SGTB: variants seen among roughly 807,000 people sequenced by gnomAD.
SGTB encodes small glutamine rich tetratricopeptide repeat co-chaperone beta.
Under a neutral mutation model 43.9 loss-of-function variants are expected in SGTB, and 19 were observed. The ratio of observed to expected loss-of-function variants is 0.43; its 90% CI spans 0.30 to 0.63. The LOEUF (loss-of-function observed/expected upper bound fraction) is 0.63. SGTB is among the 30% of genes least tolerant of loss of function. SGTB has a pLI of 0.12. For synonymous variants in SGTB, 116 were observed against 117.3 expected, an observed-to-expected ratio of 0.99 and a Z score of 0.07; for missense variants, 304 against 358.9, an observed-to-expected ratio of 0.85 and a Z score of 1.24.
chr5:65,695,025 G>T (rs1481698785), intron 5 of SGTB, among the ~76,000 whole-genome samples: 4 of 94,984 alleles, frequency 4.2e-5, no homozygotes, highest in Middle Eastern at 4.4e-3. Context: ...TAGGTATTTT[G>T]GAACTACTGA....
chr5:65,689,723 T>TA (rs202230172), intron 5 of SGTB, among the ~76,000 whole-genome samples: 2,859 of 152,214 alleles, frequency 0.019, 33 homozygotes, highest in Non-Finnish European at 0.028. Flanking sequence ...CAATAGCACT[T>TA]AGATTCTAGT....
chr5:65,716,665 C>T (rs1368042937), intron 2 of SGTB, among the ~76,000 whole-genome samples: 3 of 151,992 alleles, frequency 2.0e-5, no homozygotes, highest in Non-Finnish European at 4.4e-5. Context: ...AAATTGCATA[C>T]AGAACAGATT....
At chr5:65,691,825 G>A (rs1464897699) in intron 5 of SGTB, among the ~76,000 whole-genome samples, 1 of 151,366 alleles carries the variant, frequency 6.6e-6, no homozygotes, top group East Asian at 2.0e-4. Flanking sequence ...CAGCTACTCG[G>A]GAGGCCGACG....
intron 6 of SGTB, among the ~76,000 whole-genome samples, chr5:65,683,684 G>GGCTGGGCGCGGTGGCTAAC (rs75253919): frequency 1.3e-5 from 2 of 151,784 alleles, no homozygotes; most frequent in Non-Finnish European, 2.9e-5. Context: ...AGTTAATAGT[G>GGCTGGGCGCGGTGGCTAAC]GCCTGTAATC....
At chr5:65,679,126 A>G (rs1757340288) in intron 8 of SGTB, among the ~76,000 whole-genome samples, 1 of 152,236 alleles carries the variant, frequency 6.6e-6, no homozygotes, top group South Asian at 2.1e-4. Flanking sequence ...CTACATCTAT[A>G]AGAACTTAAA....
intron 8 of SGTB, among the ~76,000 whole-genome samples, chr5:65,679,695 T>G (rs950033619): frequency 6.6e-6 from 1 of 152,102 alleles, no homozygotes. Flanking sequence ...GAAAAAGGAA[T>G]GCTTTTAACA....
chr5:65,716,633 G>A (rs1261598276), intron 2 of SGTB, among the ~76,000 whole-genome samples: 1 of 152,160 alleles, frequency 6.6e-6, no homozygotes, highest in Non-Finnish European at 1.5e-5. Flanking sequence ...AAAAGATGAC[G>A]CTGACATAAA....
At chr5:65,720,570 C>T in intron 2 of SGTB, 138 bp downstream of exon 2, 1 of 901,962 alleles carries the variant, frequency 1.1e-6, no homozygotes, top group Non-Finnish European at 1.6e-6. Context: ...ATACGATAAC[C>T]TTATAGTCAG....
At position 65,667,327 on chromosome 5, in the gene SGTB, C is replaced by G. The variant is rs1314579612; in HGVS notation, c.*2919G>C. ...TCAGCTAGAAGCTTATCTTATTGCT[C>G]TAAAAGCATTTTTAATGCACTCAAG... On this transcript the variant is annotated 3_prime_UTR_variant, in exon 11 of 11. Coordinates refer to ENST00000381007, the MANE Select transcript of SGTB (RefSeq NM_019072.3). 6.6e-6 allele frequency: 1 copy of G among 152,152 alleles called. No homozygotes were observed. The highest frequency in any genetic ancestry group is 1.5e-5 in the Non-Finnish European group (1 of 68,024). 9.4% of individuals were successfully genotyped at this position (152,152 alleles called of 1,614,324 possible).
intron 3 of SGTB, 72 bp downstream of exon 3, chr5:65,712,889 C>A: frequency 8.4e-7 from 1 of 1,192,570 alleles, no homozygotes; most frequent in East Asian, 2.4e-5. Context: ...CCTGGCCCCT[C>A]AGCTATTAAC....
chr5:65,694,387 G>A (rs1165488848), intron 5 of SGTB, among the ~76,000 whole-genome samples: 3 of 152,014 alleles, frequency 2.0e-5, no homozygotes, highest in East Asian at 1.9e-4. Context: ...AGCCAAGATC[G>A]TGCCACTGCA....
intron 8 of SGTB, among the ~76,000 whole-genome samples, chr5:65,674,928 G>A (rs974077276): frequency 6.6e-6 from 1 of 152,158 alleles, no homozygotes; most frequent in Non-Finnish European, 1.5e-5. Flanking sequence ...TTGCTAAAAA[G>A]ACTTATCTCA....
intron 8 of SGTB, 149 bp from the exon 9 acceptor site, chr5:65,672,430 G>A (rs1757177350): frequency 3.2e-6 from 3 of 948,694 alleles, no homozygotes; most frequent in Non-Finnish European, 4.8e-6. Context: ...AAAGGGGAAT[G>A]TAAAAAGAGA....
intron 5 of SGTB, among the ~76,000 whole-genome samples, chr5:65,686,774 A>C (rs1164246080): frequency 6.6e-6 from 1 of 152,190 alleles, no homozygotes; most frequent in Non-Finnish European, 1.5e-5. Context: ...CCTAGCTGGA[A>C]TCTAATAAGC....
intron 8 of SGTB, among the ~76,000 whole-genome samples, chr5:65,678,166 A>G (rs976340699): frequency 1.6e-4 from 25 of 152,238 alleles, no homozygotes; most frequent in African/African-American, 6.0e-4. Context: ...ATACAAAATC[A>G]ATGTGCAAAA....
intron 2 of SGTB, among the ~76,000 whole-genome samples, chr5:65,718,249 A>G (rs1758187877): frequency 6.6e-6 from 1 of 152,156 alleles, no homozygotes; most frequent in Admixed American, 6.6e-5. Flanking sequence ...AGCAGCATCC[A>G]TGGCCTCTAC....
At chr5:65,697,507 AC>A (rs1161452468) in intron 5 of SGTB, among the ~76,000 whole-genome samples, 14 of 152,226 alleles carry the variant, frequency 9.2e-5, no homozygotes, top group Non-Finnish European at 2.1e-4. Context: ...ATTTCATGAC[AC>A]TCAAGTATTT....
At chr5:65,715,807 T>C (rs746786453) in intron 2 of SGTB, among the ~76,000 whole-genome samples, 1 of 152,228 alleles carries the variant, frequency 6.6e-6, no homozygotes, top group Non-Finnish European at 1.5e-5. Context: ...TCTCGCTCTA[T>C]TGCCCAGGCT....
intron 8 of SGTB, among the ~76,000 whole-genome samples, chr5:65,673,802 T>G (rs994917809): frequency 6.6e-6 from 1 of 152,058 alleles, no homozygotes; most frequent in African/African-American, 2.4e-5. Context: ...ATTACAGGCA[T>G]GCACCACCAT....
Sources: allele counts gnomAD v4.1 joint callset (sites outside exome capture counted in the v4.1 genomes callset), GRCh38; gene constraint gnomAD v4.1.1; transcripts MANE v1.5; gene names NCBI Gene and HGNC (gene_info 2026-07-23, HGNC 2026-07-21).